The following BCKDHB variants were observed in gnomAD, a reference collection of about 807,000 sequenced individuals.
BCKDHB encodes the protein 2-oxoisovalerate dehydrogenase subunit beta, mitochondrial.
Under a neutral mutation model 48.5 loss-of-function variants are expected in BCKDHB, and 41 were observed. That is an observed-to-expected ratio of 0.85 (90% CI 0.66 to 1.10). The LOEUF is 1.10. Ranked by LOEUF, BCKDHB falls within the 50% of genes least tolerant of loss-of-function variation. BCKDHB has a pLI of 0.00. For missense variants in BCKDHB, 496 were observed against 494.2 expected (o/e 1.00, Z -0.03); for synonymous variants, 201 against 174.8 (o/e 1.15, Z -1.18).
At chr6:80,433,073 G>A in the BCKDHB span, among the ~76,000 whole-genome samples, 3 of 152,138 alleles carry the variant, frequency 2.0e-5, no homozygotes, top group Non-Finnish European at 4.4e-5. Context: ...GCCAGCCAGA[G>A]CTCTCCTGTA....
chr6:80,163,187 G>A (rs2127768243), intron 3 of BCKDHB, among the ~76,000 whole-genome samples: 1 of 152,124 alleles, frequency 6.6e-6, no homozygotes, highest in Non-Finnish European at 1.5e-5. Context: ...TTACAGGTGT[G>A]AGCCATAGCG....
the BCKDHB span, among the ~76,000 whole-genome samples, chr6:80,388,092 C>A: frequency 6.6e-6 from 1 of 152,136 alleles, no homozygotes; most frequent in Non-Finnish European, 1.5e-5. Flanking sequence ...CCTAGTGGGC[C>A]TATTTGGATT....
At chr6:80,228,806 G>A (rs1356969046) in intron 8 of BCKDHB, among the ~76,000 whole-genome samples, 1 of 152,078 alleles carries the variant, frequency 6.6e-6, no homozygotes, top group Non-Finnish European at 1.5e-5. Flanking sequence ...CACCAGCCTG[G>A]GCTCTCAGAA....
intron 8 of BCKDHB, among the ~76,000 whole-genome samples, chr6:80,252,199 C>A (rs1436673338): frequency 1.3e-5 from 2 of 152,152 alleles, no homozygotes; most frequent in Non-Finnish European, 2.9e-5. Context: ...ATCCAAGCCA[C>A]CTGATTGCAA....
chr6:80,350,225 C>G (rs937537367), downstream of BCKDHB, among the ~76,000 whole-genome samples: 1 of 151,994 alleles, frequency 6.6e-6, no homozygotes, highest in African/African-American at 2.4e-5. Context: ...AGCTAAGATT[C>G]TACTCAGAGG....
the BCKDHB span, among the ~76,000 whole-genome samples, chr6:80,452,830 C>T: frequency 6.6e-6 from 1 of 152,188 alleles, no homozygotes; most frequent in Non-Finnish European, 1.5e-5. Flanking sequence ...TCTCAGGAAA[C>T]AGAGCTATCT....
At chr6:80,361,003 CA>C in the BCKDHB span, among the ~76,000 whole-genome samples, 513 of 117,744 alleles carry the variant, frequency 4.4e-3, 4 homozygotes, top group African/African-American at 0.015. Context: ...GACTCCATCT[CA>C]AAAAAAAAAA....
chr6:80,150,042 T>G (rs1771693596), intron 3 of BCKDHB, among the ~76,000 whole-genome samples: 1 of 152,078 alleles, frequency 6.6e-6, no homozygotes. Context: ...TGTTTCTAGC[T>G]TCAAGTTTTT....
At chr6:80,317,397 C>T (rs1768501116) in intron 9 of BCKDHB, among the ~76,000 whole-genome samples, 1 of 152,196 alleles carries the variant, frequency 6.6e-6, no homozygotes, top group South Asian at 2.1e-4. Flanking sequence ...TATCTGTTTC[C>T]TAGCCCCATC....
chr6:80,399,717 A>G, the BCKDHB span, among the ~76,000 whole-genome samples: 2 of 152,164 alleles, frequency 1.3e-5, no homozygotes, highest in Non-Finnish European at 2.9e-5. Flanking sequence ...ATTACCAATG[A>G]CAGTCTTCAC....
chr6:80,385,301 G>A, the BCKDHB span, among the ~76,000 whole-genome samples: 1 of 152,318 alleles, frequency 6.6e-6, no homozygotes, highest in Admixed American at 6.5e-5. Flanking sequence ...ACAGACACAA[G>A]CTCTTATCAT....
chr6:80,334,092 T>C (rs996054999), intron 9 of BCKDHB, among the ~76,000 whole-genome samples: 2 of 152,146 alleles, frequency 1.3e-5, no homozygotes, highest in Non-Finnish European at 2.9e-5. Context: ...GAAATTTGAA[T>C]GTGAAAATGT....
At chr6:80,198,758 A>G (rs1317676979) in intron 6 of BCKDHB, among the ~76,000 whole-genome samples, 2 of 152,216 alleles carry the variant, frequency 1.3e-5, no homozygotes, top group East Asian at 1.9e-4. Context: ...ACACTAACAT[A>G]CGGTAAATAT....
intron 9 of BCKDHB, among the ~76,000 whole-genome samples, chr6:80,308,719 C>A (rs959769784): frequency 2.0e-5 from 3 of 151,820 alleles, no homozygotes; most frequent in Admixed American, 6.6e-5. Flanking sequence ...CTCAGCCTCC[C>A]GAGTAGCTGG....
intron 8 of BCKDHB, among the ~76,000 whole-genome samples, chr6:80,206,926 T>C (rs1042621348): frequency 6.6e-6 from 1 of 152,068 alleles, no homozygotes; most frequent in Non-Finnish European, 1.5e-5. Flanking sequence ...CACACCTGTA[T>C]GCACAATGGC....
At chr6:80,106,631 G>A, upstream of BCKDHB, 1 of 1,518,504 alleles carries the variant, frequency 6.6e-7, no homozygotes, top group Non-Finnish European at 8.8e-7. Flanking sequence ...CTCCTCGGGT[G>A]CTCCGCCCTC....
the BCKDHB span, among the ~76,000 whole-genome samples, chr6:80,364,718 T>C: frequency 6.6e-6 from 1 of 152,156 alleles, no homozygotes; most frequent in African/African-American, 2.4e-5. Context: ...AACAGACTCA[T>C]GATAACAGGA....
the BCKDHB span, among the ~76,000 whole-genome samples, chr6:80,444,824 C>T: frequency 6.6e-6 from 1 of 152,174 alleles, no homozygotes; most frequent in Non-Finnish European, 1.5e-5. Flanking sequence ...CACAGTTATA[C>T]TTGTCAAATC....
chr6:80,149,201 C>T (rs1771636626), intron 3 of BCKDHB, among the ~76,000 whole-genome samples: 1 of 152,110 alleles, frequency 6.6e-6, no homozygotes, highest in Non-Finnish European at 1.5e-5. Context: ...ATTTATGCAG[C>T]CAAAAACACA....
Sources: gnomAD v4.1 joint callset for allele counts (sites outside exome capture counted in the v4.1 genomes callset) on GRCh38, gnomAD v4.1.1 for gene constraint, MANE v1.5 for transcripts, NCBI Gene and HGNC (gene_info 2026-07-23, HGNC 2026-07-21) for gene names.